CLPB: variants seen among roughly 807,000 people sequenced by gnomAD.
CLPB encodes ClpB family mitochondrial disaggregase.
Under a neutral mutation model 78.4 loss-of-function variants are expected in CLPB, and 40 were observed. The observed-to-expected ratio is 0.51, with a 90% CI of 0.40 to 0.66. CLPB has a LOEUF of 0.66. CLPB is among the 30% of genes least tolerant of loss of function. CLPB has a pLI of 0.00. For synonymous variants in CLPB, 333 were observed against 348.0 expected (o/e 0.96, Z 0.48); for missense variants, 780 against 886.9 (o/e 0.88, Z 1.53).
At chr11:72,393,764 T>G (rs1378170400) in intron 3 of CLPB, among the ~76,000 whole-genome samples, 1 of 152,244 alleles carries the variant, frequency 6.6e-6, no homozygotes, top group Non-Finnish European at 1.5e-5. Context: ...TTACTTTTAG[T>G]ATTGCTAAGT....
In CLPB at chr11:72,294,732, C is replaced by T. The variant is rs759737750; in HGVS notation, c.1487-39G>A. 8 of 1,562,786 alleles carry T rather than the reference C, an allele frequency of 5.1e-6. No homozygotes were observed. The African/African-American group carries it at 9.5e-5, about 18-fold the overall frequency. ...TCATAAACTGCTTATTCCCCACATT[C>T]AGGGAACTTTGGGGGCTGTGCCTGC... On this transcript the variant is annotated intron_variant, in intron 12 of 15. Transcript: ENST00000538039.
chr11:72,406,129 G>A (rs1368161811), intron 2 of CLPB, among the ~76,000 whole-genome samples: 2 of 152,122 alleles, frequency 1.3e-5, no homozygotes, highest in Non-Finnish European at 2.9e-5. Context: ...AGGGCGAAGA[G>A]TACAAAATGG....
rs549191970 is a variant in CLPB, at chr11:72,434,128, C to T, written c.347G>A (p.Cys116Tyr). The T allele has an allele frequency of 6.2e-7, 1 of 1,612,212 alleles. No homozygotes were observed. Among genetic ancestry groups the T allele is most frequent in the Non-Finnish European group, 8.5e-7 (1 of 1,180,030 alleles). ...AACCACCAGCGCTGCGGCCAGGGCG[C>T]ACATGCCCAGTCCGGCCCTGCTGGG... ...GVPSRAGLGM[C>Y]ALAAALVVHC... The change falls in exon 1 of 16, where the codon TGC becomes TAC. Residue 116 changes from cysteine (C) to tyrosine (Y), a missense_variant. Cys to Tyr is a radical substitution (Grantham distance 194). Transcript: ENST00000538039.
chr11:72,319,071 C>T (rs533399104), intron 6 of CLPB, among the ~76,000 whole-genome samples: 17 of 152,290 alleles, frequency 1.1e-4, no homozygotes, highest in Admixed American at 7.8e-4. Context: ...TTCCTCACTT[C>T]CCTTCAGTGA....
At position 72,308,607 on chromosome 11, in the gene CLPB, A is replaced by G. The variant is rs1949787675; in HGVS notation, c.989-3T>C. On this transcript the variant is annotated splice_region_variant and splice_polypyrimidine_tract_variant and intron_variant, in intron 7 of 15. Coordinates refer to ENST00000538039, the MANE Select transcript of CLPB (RefSeq NM_001258392.3). ...GCCATTCTCCTTCCTCCGGATCGCT[A>G]CGGCCAAACACACAAGATCAGGGGA... 6.2e-7 allele frequency: 1 copy of G among 1,613,728 alleles called. No homozygotes were observed. Among genetic ancestry groups the G allele is most frequent in the Non-Finnish European group, 8.5e-7 (1 of 1,179,584 alleles).
chr11:72,296,621 G>T (rs1296061611), intron 11 of CLPB, among the ~76,000 whole-genome samples: 1 of 152,238 alleles, frequency 6.6e-6, no homozygotes, highest in African/African-American at 2.4e-5. Context: ...AAGCAATAGA[G>T]TGACAATGCC....
At chr11:72,367,738 T>C (rs1950971347) in intron 4 of CLPB, among the ~76,000 whole-genome samples, 1 of 151,844 alleles carries the variant, frequency 6.6e-6, no homozygotes, top group Non-Finnish European at 1.5e-5. Flanking sequence ...AACCTGCACA[T>C]GTAGCCCCTG....
chr11:72,337,829 G>C (rs1466860573), intron 5 of CLPB, among the ~76,000 whole-genome samples: 1 of 152,156 alleles, frequency 6.6e-6, no homozygotes, highest in Non-Finnish European at 1.5e-5. Context: ...CATTTCTAGA[G>C]GTAGATTTGG....
chr11:72,350,507 G>T (rs1487521287), intron 5 of CLPB, among the ~76,000 whole-genome samples: 1 of 152,046 alleles, frequency 6.6e-6, no homozygotes, highest in Non-Finnish European at 1.5e-5. Context: ...ATAATTAGCT[G>T]GTAATTTTGT....
chr11:72,372,731 T>G (rs1951066393), intron 4 of CLPB, among the ~76,000 whole-genome samples: 1 of 152,220 alleles, frequency 6.6e-6, no homozygotes, highest in African/African-American at 2.4e-5. Context: ...CTTATTTCCT[T>G]GGGAGCCTTA....
chr11:72,314,159 G>C (rs892980649), intron 7 of CLPB, among the ~76,000 whole-genome samples: 3 of 152,164 alleles, frequency 2.0e-5, no homozygotes, highest in African/African-American at 7.2e-5. Context: ...CTGTAATATG[G>C]AATATGCGTC....
At chr11:72,321,083 G>GAT (rs60429700) in intron 6 of CLPB, among the ~76,000 whole-genome samples, 14,009 of 151,434 alleles carry the variant, frequency 0.093, 1,168 homozygotes, top group African/African-American at 0.22. Flanking sequence ...AAATACTTGA[G>GAT]ATATATATAT....
chr11:72,323,021 G>A (rs191880070), intron 6 of CLPB, among the ~76,000 whole-genome samples: 3 of 152,254 alleles, frequency 2.0e-5, no homozygotes, highest in East Asian at 1.9e-4. Context: ...AGCCTGCACC[G>A]TCCACCTGGA....
At position 72,293,243 on chromosome 11, in the gene CLPB, G is replaced by C. The variant is rs1949481657; in HGVS notation, c.*124C>G. The stretch of plus-strand genomic sequence containing the variant: ...AAGGGGTCTTCATGGGCTGTGAGGA[G>C]GTAAGCAGGCCTGAGACTGGGTAGA... On this transcript the variant is annotated 3_prime_UTR_variant, in exon 16 of 16. Transcript: ENST00000538039. 8.0e-7 allele frequency: 1 copy of C among 1,250,688 alleles called. No homozygotes were observed. Among genetic ancestry groups the C allele is most frequent in the African/African-American group, 1.5e-5 (1 of 66,740 alleles). 77.5% of individuals were successfully genotyped at this position (1,250,688 alleles called of 1,614,324 possible).
At chr11:72,293,696 C>T (rs1026819466) in intron 15 of CLPB, 81 bp from the exon 16 acceptor site, 2 of 1,489,590 alleles carry the variant, frequency 1.3e-6, no homozygotes, top group Admixed American at 2.1e-5. Flanking sequence ...ACTGCTAGGG[C>T]AACTCAGAGA....
At chr11:72,363,177 A>AGAAG (rs1218566645) in intron 4 of CLPB, among the ~76,000 whole-genome samples, 1 of 148,234 alleles carries the variant, frequency 6.7e-6, no homozygotes, top group East Asian at 2.1e-4. Context: ...AGAAAGTAAA[A>AGAAG]GAAGGAAGGA....
At chr11:72,302,147 C>T in intron 10 of CLPB, 157 bp downstream of exon 10, 4 of 960,512 alleles carry the variant, frequency 4.2e-6, no homozygotes, top group Non-Finnish European at 6.3e-6. Context: ...AGAGCAAATC[C>T]TATGTGAAAC....
intron 6 of CLPB, among the ~76,000 whole-genome samples, chr11:72,327,769 G>A (rs1950156260): frequency 6.6e-6 from 1 of 152,156 alleles, no homozygotes; most frequent in Non-Finnish European, 1.5e-5. Flanking sequence ...TTTCCTTAAG[G>A]CACTTAAGGA....
At chr11:72,324,845 G>A (rs1950103944) in intron 6 of CLPB, among the ~76,000 whole-genome samples, 1 of 152,174 alleles carries the variant, frequency 6.6e-6, no homozygotes, top group Non-Finnish European at 1.5e-5. Context: ...GAGCACCCAG[G>A]CTCTCAGCCT....
Sources: gnomAD v4.1 joint callset for allele counts (sites outside exome capture counted in the v4.1 genomes callset) on GRCh38, gnomAD v4.1.1 for gene constraint, MANE v1.5 for transcripts, NCBI Gene and HGNC (gene_info 2026-07-23, HGNC 2026-07-21) for gene names.